The following LSAMP variants were observed in gnomAD, a reference collection of about 807,000 sequenced individuals.
LSAMP encodes limbic system-associated membrane protein.
Under a neutral mutation model 38.6 loss-of-function variants are expected in LSAMP, and 7 were observed. The observed-to-expected ratio is 0.18, with a 90% confidence interval of 0.10 to 0.34. LSAMP has a LOEUF of 0.34. LSAMP is among the 10% of genes least tolerant of loss of function. The pLI, the probability that LSAMP is intolerant of heterozygous loss-of-function variation, is 1.00. For missense variants in LSAMP, 313 were observed against 420.0 expected (o/e 0.75, Z 2.23); for synonymous variants, 154 against 166.8 (o/e 0.92, Z 0.59).
chr3:115,841,894 A>T lies in LSAMP; in HGVS notation c.870T>A (p.Cys290Ter). 1 of 1,614,016 alleles carries T rather than the reference A, an allele frequency of 6.2e-7. No homozygotes were observed. The highest frequency in any genetic ancestry group is 8.5e-7 in the Non-Finnish European group (1 of 1,179,968). ...TGACCCCCAGCTTGTTGGCAGCCAC[A>T]CAGGTGTAGTTGCCGTAGTGCTCCT... ...VTEEHYGNYT[C>*]VAANKLGVTN... Residue 290 changes from cysteine (C) to a stop codon, truncating the protein, a stop_gained, in exon 6 of 7, where the codon TGT becomes TGA. Transcript: ENST00000490035. LOFTEE classifies it high-confidence loss of function.
chr3:116,057,516 A>G (rs1237360119), intron 2 of LSAMP, among the ~76,000 whole-genome samples: 1 of 152,178 alleles, frequency 6.6e-6, no homozygotes, highest in Non-Finnish European at 1.5e-5. Context: ...ATGAGTGAGC[A>G]TTGACTAAAT....
chr3:116,283,346 T>C (rs2047153004), intron 1 of LSAMP, among the ~76,000 whole-genome samples: 1 of 152,096 alleles, frequency 6.6e-6, no homozygotes, highest in Non-Finnish European at 1.5e-5. Context: ...CCATGACAAG[T>C]ATACAGTTGT....
At chr3:115,990,283 T>G (rs538191002) in intron 3 of LSAMP, among the ~76,000 whole-genome samples, 1 of 152,066 alleles carries the variant, frequency 6.6e-6, no homozygotes, top group African/African-American at 2.4e-5. Flanking sequence ...TAGAGGGCTA[T>G]AACAGCCAAT....
chr3:116,193,232 G>A (rs1222683328), intron 1 of LSAMP, among the ~76,000 whole-genome samples: 2 of 152,140 alleles, frequency 1.3e-5, no homozygotes, highest in Admixed American at 1.3e-4. Context: ...GGGATAGTAA[G>A]GCGTCTTTTA....
intron 1 of LSAMP, among the ~76,000 whole-genome samples, chr3:116,141,038 G>A (rs1709357909): frequency 6.6e-6 from 1 of 151,902 alleles, no homozygotes; most frequent in Non-Finnish European, 1.5e-5. Context: ...AGGCATCCTT[G>A]TATCTAGAAA....
intron 3 of LSAMP, among the ~76,000 whole-genome samples, chr3:115,902,769 A>G (rs1189892723): frequency 6.6e-6 from 1 of 152,192 alleles, no homozygotes; most frequent in Non-Finnish European, 1.5e-5. Flanking sequence ...CATCAGAGAA[A>G]TGCAAATCAA....
At chr3:116,426,257 C>A (rs149264471) in intron 1 of LSAMP, among the ~76,000 whole-genome samples, 12 of 152,032 alleles carry the variant, frequency 7.9e-5, no homozygotes, top group African/African-American at 2.7e-4. Context: ...GAGACCGAGC[C>A]GGGTGGATCA....
chr3:116,195,185 C>A (rs918645656), intron 1 of LSAMP, among the ~76,000 whole-genome samples: 5 of 152,172 alleles, frequency 3.3e-5, no homozygotes, highest in African/African-American at 9.7e-5. Flanking sequence ...ACCCCAATTC[C>A]CCTCCTTTGT....
chr3:116,325,789 C>A (rs937554967), intron 1 of LSAMP, among the ~76,000 whole-genome samples: 3 of 151,820 alleles, frequency 2.0e-5, no homozygotes, highest in Non-Finnish European at 2.9e-5. Flanking sequence ...CTACTTTGAA[C>A]CCTCAGTGAT....
In LSAMP at chr3:116,082,792, A is replaced by G. The variant is rs1232938420; in HGVS notation, c.388+3532T>C. ...CTAGTAAACTAATGCAGGAACAGAA[A>G]ACCAAATACCACAGGTTCTCACTTA... On this transcript the variant is annotated intron_variant, in intron 2 of 6. Coordinates refer to ENST00000490035, the MANE Select transcript of LSAMP (RefSeq NM_002338.5). Among the ~76,000 whole-genome samples, 3 of 152,292 alleles carry G rather than the reference A, an allele frequency of 2.0e-5. No individual in the cohort carries two copies. The East Asian group carries it at 5.8e-4, about 29-fold the overall frequency.
intron 1 of LSAMP, among the ~76,000 whole-genome samples, chr3:116,370,933 A>G (rs2048422123): frequency 6.6e-6 from 1 of 152,198 alleles, no homozygotes; most frequent in African/African-American, 2.4e-5. Flanking sequence ...AAAGATTATA[A>G]GAGAGTACTG....
intron 3 of LSAMP, among the ~76,000 whole-genome samples, chr3:115,947,153 C>T (rs1009639132): frequency 1.6e-4 from 24 of 152,058 alleles, no homozygotes; most frequent in African/African-American, 5.8e-4. Flanking sequence ...TTTCCACAAT[C>T]TGATATAGAG....
At chr3:116,237,031 T>C (rs2046473528) in intron 1 of LSAMP, among the ~76,000 whole-genome samples, 1 of 151,970 alleles carries the variant, frequency 6.6e-6, no homozygotes, top group African/African-American at 2.4e-5. Flanking sequence ...AAATAAATCA[T>C]TTCAAAGTTT....
At chr3:116,358,149 A>G (rs2107774771) in intron 1 of LSAMP, among the ~76,000 whole-genome samples, 1 of 152,312 alleles carries the variant, frequency 6.6e-6, no homozygotes, top group East Asian at 1.9e-4. Context: ...CATGGTTGAC[A>G]GGCAGAATGT....
At chr3:116,387,341 A>C (rs1398913994) in intron 1 of LSAMP, among the ~76,000 whole-genome samples, 1 of 152,180 alleles carries the variant, frequency 6.6e-6, no homozygotes, top group African/African-American at 2.4e-5. Flanking sequence ...ATAAGGAATC[A>C]CTACAATTAG....
At chr3:115,880,677 A>G (rs1936297840) in intron 3 of LSAMP, among the ~76,000 whole-genome samples, 2 of 152,156 alleles carry the variant, frequency 1.3e-5, no homozygotes, top group Admixed American at 1.3e-4. Flanking sequence ...TAAGTTTGAA[A>G]ATCAGATTAA....
intron 3 of LSAMP, among the ~76,000 whole-genome samples, chr3:115,982,142 G>T (rs541877505): frequency 3.3e-5 from 5 of 152,318 alleles, no homozygotes; most frequent in Non-Finnish European, 7.3e-5. Context: ...TCTACGGATA[G>T]GGAAAGGATA....
Position 116,444,889 on chromosome 3 carries a change from G to T in LSAMP, c.143C>A (p.Thr48Lys). The T allele has an allele frequency of 6.2e-7, 1 of 1,614,076 alleles. No individual in the cohort carries two copies. The highest frequency in any genetic ancestry group is 8.5e-7 in the Non-Finnish European group (1 of 1,180,026). ...CCGAAAGCCCTACCTGAGGATGGCT[G>T]TGTCCCCCTGCCTCACGGTGATGTT... The part of the protein sequence containing the change: ...TDNITVRQGD[T>K]AILRCVVEDK... Residue 48 changes from threonine to lysine, a missense_variant, in exon 1 of 7, where the codon ACA (threonine) becomes AAA (lysine). Coordinates refer to ENST00000490035, the MANE Select transcript of LSAMP (RefSeq NM_002338.5).
chr3:116,285,963 G>T (rs1448501404), intron 1 of LSAMP, among the ~76,000 whole-genome samples: 1 of 152,150 alleles, frequency 6.6e-6, no homozygotes, highest in Non-Finnish European at 1.5e-5. Flanking sequence ...AGAGAAAACA[G>T]GCTTCATCTC....
Sources: gnomAD v4.1 joint callset for allele counts (sites outside exome capture counted in the v4.1 genomes callset) on GRCh38, gnomAD v4.1.1 for gene constraint, MANE v1.5 for transcripts, NCBI Gene and HGNC (gene_info 2026-07-23, HGNC 2026-07-21) for gene names.